The following ABHD2 variants were observed in gnomAD, a reference collection of about 807,000 sequenced individuals.
ABHD2 encodes abhydrolase domain containing 2, acylglycerol lipase, also known as monoacylglycerol lipase ABHD2.
ABHD2 carries 20 observed loss-of-function variants against 48.1 expected under a neutral mutation model. That is an observed-to-expected ratio of 0.42 (90% CI 0.29 to 0.60). The LOEUF (loss-of-function observed/expected upper bound fraction) is 0.60, where lower values mean the gene tolerates loss of function less well. ABHD2 is among the 20% of genes least tolerant of loss of function. ABHD2 has a pLI of 0.24. For synonymous variants in ABHD2, 209 were observed against 214.2 expected, an observed-to-expected ratio of 0.98 and a Z score of 0.21; for missense variants, 405 against 550.9, an observed-to-expected ratio of 0.74 and a Z score of 2.65.
intron 3 of ABHD2, among the ~76,000 whole-genome samples, chr15:89,149,891 A>T (rs1004416821): frequency 4.6e-5 from 7 of 152,024 alleles, no homozygotes; most frequent in Non-Finnish European, 8.8e-5. Context: ...TGTTGAGATC[A>T]CCCCTCCATT....
intron 3 of ABHD2, among the ~76,000 whole-genome samples, chr15:89,134,477 G>C (rs941055298): frequency 6.6e-6 from 1 of 152,030 alleles, no homozygotes; most frequent in South Asian, 2.1e-4. Context: ...CCAGTCTTTT[G>C]TGTTCTGTTG....
rs1369969818 is a variant in ABHD2, at chr15:89,151,148, A to G, written c.195-529A>G. ...CATAGAGTAGTGCCCTCACCCCACA[A>G]GGCACTTACAGGCTCTTAGAAGAAT... On this transcript the variant is annotated intron_variant, in intron 3 of 10. Transcript: ENST00000352732. The surrounding 1 kb of genome is among the most constrained non-coding windows in gnomAD (Gnocchi z 4.7). Among the ~76,000 whole-genome samples the G allele has an allele frequency of 6.6e-6, 1 of 152,166 alleles. No homozygotes were observed. The highest frequency in any genetic ancestry group is 1.5e-5 in the Non-Finnish European group (1 of 68,026).
intron 3 of ABHD2, among the ~76,000 whole-genome samples, chr15:89,140,775 T>G (rs1209421896): frequency 6.6e-6 from 1 of 152,172 alleles, no homozygotes; most frequent in Non-Finnish European, 1.5e-5. Flanking sequence ...CGTTTAAAGA[T>G]GTGTTTTTGT....
the ABHD2 span, among the ~76,000 whole-genome samples, chr15:89,049,611 G>T: frequency 6.6e-6 from 1 of 152,196 alleles, no homozygotes; most frequent in South Asian, 2.1e-4. Flanking sequence ...TTTTAAGCCC[G>T]TCGGAAAAGC....
upstream of ABHD2, among the ~76,000 whole-genome samples, chr15:89,084,766 G>T (rs1475856158): frequency 6.6e-6 from 1 of 152,116 alleles, no homozygotes; most frequent in Admixed American, 6.6e-5. The surrounding 1 kb of genome is among the most constrained non-coding windows in gnomAD (Gnocchi z 4.4). Flanking sequence ...AACATTTTTA[G>T]GTATTTGCCA....
chr15:89,044,539 A>G, the ABHD2 span, among the ~76,000 whole-genome samples: 1 of 151,570 alleles, frequency 6.6e-6, no homozygotes, highest in Non-Finnish European at 1.5e-5. Context: ...AAGTGTTCCT[A>G]TTTCTCCACA....
intron 3 of ABHD2, among the ~76,000 whole-genome samples, chr15:89,133,081 G>A (rs1324204381): frequency 2.0e-5 from 3 of 152,178 alleles, no homozygotes; most frequent in Non-Finnish European, 4.4e-5. Flanking sequence ...AAGCCTGGCT[G>A]CATTTCCCAG....
intron 5 of ABHD2, among the ~76,000 whole-genome samples, chr15:89,163,933 C>G (rs1269740135): frequency 1.3e-5 from 2 of 152,186 alleles, no homozygotes; most frequent in African/African-American, 2.4e-5. Flanking sequence ...GCAGTCTAGT[C>G]CTAGAATCCG....
chr15:89,115,432 T>G lies in ABHD2; in HGVS notation c.-6-890T>G, dbSNP rs73467753. On this transcript the variant is annotated intron_variant, in intron 2 of 10. Coordinates refer to ENST00000352732, the MANE Select transcript of ABHD2 (RefSeq NM_152924.5). ...TGTGTGTGTGTGTGTGTGTGTGTGTTTTGTATATAAGGTAAAGTTACTTCA... is the reference window on the plus strand; with the variant it reads ...TGTGTGTGTGTGTGTGTGTGTGTGTGTTGTATATAAGGTAAAGTTACTTCA... Among the ~76,000 whole-genome samples, 53 of 126,678 alleles carry G rather than the reference T, an allele frequency of 4.2e-4. 1 individual carries two copies. The highest frequency in any genetic ancestry group is 1.0e-3 in the African/African-American group (31 of 30,382). 83.1% of individuals were successfully genotyped at this position (126,678 alleles called of 152,430 possible). A position where few individuals can be genotyped will look rare whatever the true frequency, so the allele number is the denominator to read the frequency against.
At position 89,171,562 on chromosome 15, in the gene ABHD2, G is replaced by A. The variant is rs571929914; in HGVS notation, c.539-4250G>A. ...AGGTATTAGTGGATCTACAGGAAGC[G>A]CCTGGTTGTGTTGAACGGCGATGTG... On this transcript the variant is annotated intron_variant, in intron 5 of 10. Transcript: ENST00000352732. 1.6e-4 allele frequency among the ~76,000 whole-genome samples: 24 copies of A among 152,284 alleles called. No homozygotes were observed. In the East Asian group the frequency reaches 4.6e-3, roughly 29 times the overall value.
intron 3 of ABHD2, among the ~76,000 whole-genome samples, chr15:89,141,451 G>T (rs570091125): frequency 6.6e-6 from 1 of 152,308 alleles, no homozygotes; most frequent in South Asian, 2.1e-4. Flanking sequence ...TGGCCAACAT[G>T]GTGAAATCCC....
chr15:89,058,112 G>A, the ABHD2 span, among the ~76,000 whole-genome samples: 4 of 152,240 alleles, frequency 2.6e-5, no homozygotes, highest in Admixed American at 2.6e-4. Context: ...CCATCCTTCC[G>A]CCTTGAGGTA....
chr15:89,107,993 A>C (rs2049813460), intron 1 of ABHD2, among the ~76,000 whole-genome samples: 1 of 152,194 alleles, frequency 6.6e-6, no homozygotes, highest in Admixed American at 6.5e-5. Context: ...ATAAGTATTT[A>C]TTCACAGAAT....
the ABHD2 span, among the ~76,000 whole-genome samples, chr15:89,076,987 C>A: frequency 6.6e-6 from 1 of 152,238 alleles, no homozygotes; most frequent in East Asian, 1.9e-4. Context: ...TTCTATTTTG[C>A]TTTCTTGTTT....
At chr15:89,096,108 T>C (rs1034550057) in intron 1 of ABHD2, among the ~76,000 whole-genome samples, 3 of 152,184 alleles carry the variant, frequency 2.0e-5, no homozygotes, top group Admixed American at 6.5e-5. Flanking sequence ...GAGAATGGAC[T>C]TGTCACACTG....
At chr15:89,071,041 C>T in the ABHD2 span, among the ~76,000 whole-genome samples, 2 of 152,226 alleles carry the variant, frequency 1.3e-5, no homozygotes, top group African/African-American at 4.8e-5. Context: ...CTCCATGGGT[C>T]TGTTTTGCTG....
intron 6 of ABHD2, among the ~76,000 whole-genome samples, chr15:89,181,233 A>AAAAAAG: frequency 6.6e-6 from 1 of 151,032 alleles, no homozygotes; most frequent in Non-Finnish European, 1.5e-5. Context: ...TGTCTCAAAA[A>AAAAAAG]AAAAAAAAAA....
rs2050487219 is a variant in ABHD2 at position 89,146,128 on chromosome 15, T to C, written c.195-5549T>C. Reference sequence around the variant, plus strand: ...TGTGCCAAGTCCTGTGCTAATTTGGTAGAGAAGTACAAGGGAGAATCAAAG... The same window carrying C: ...TGTGCCAAGTCCTGTGCTAATTTGGCAGAGAAGTACAAGGGAGAATCAAAG... On this transcript the variant is annotated intron_variant, in intron 3 of 10. Transcript: ENST00000352732. The surrounding 1 kb of genome is among the most constrained non-coding windows in gnomAD (Gnocchi z 4.2). 6.6e-6 allele frequency among the ~76,000 whole-genome samples: 1 copy of C among 152,020 alleles called. No individual in the cohort carries two copies. The highest frequency in any genetic ancestry group is 1.5e-5 in the Non-Finnish European group (1 of 68,014).
intron 6 of ABHD2, among the ~76,000 whole-genome samples, chr15:89,178,487 C>G (rs1445789716): frequency 6.6e-6 from 1 of 152,232 alleles, no homozygotes; most frequent in African/African-American, 2.4e-5. Context: ...TGGTAAATCT[C>G]TCCTAGCTGA....
Sources: allele counts gnomAD v4.1 joint callset (sites outside exome capture counted in the v4.1 genomes callset), GRCh38; gene constraint gnomAD v4.1.1; non-coding constraint Gnocchi (gnomAD v3.1); transcripts MANE v1.5; gene names NCBI Gene and HGNC (gene_info 2026-07-23, HGNC 2026-07-21).